ABHD18: variants seen among roughly 807,000 people sequenced by gnomAD.
ABHD18 encodes the protein cardiolipin-specific deacylase, mitochondrial.
In ABHD18, 55 loss-of-function variants were observed where a neutral mutation model predicts 65.9. The observed-to-expected ratio is 0.84, with a 90% CI of 0.67 to 1.05. The LOEUF (loss-of-function observed/expected upper bound fraction) is 1.05, where lower values mean the gene tolerates loss of function less well. ABHD18 is among the 50% of genes least tolerant of loss of function. The pLI, the probability that ABHD18 is intolerant of heterozygous loss-of-function variation, is 0.00. For missense variants in ABHD18, 533 were observed against 558.5 expected, an observed-to-expected ratio of 0.95 and a Z score of 0.46; for synonymous variants, 181 against 180.2, an observed-to-expected ratio of 1.00 and a Z score of -0.04.
intron 10 of ABHD18, among the ~76,000 whole-genome samples, chr4:128,027,932 C>T (rs574387121): frequency 4.6e-5 from 7 of 152,168 alleles, no homozygotes; most frequent in African/African-American, 1.7e-4. Context: ...TTATCTTAGT[C>T]GTGAGTTAAA....
chr4:127,977,551 A>G (rs1341981819), intron 1 of ABHD18, among the ~76,000 whole-genome samples: 1 of 152,240 alleles, frequency 6.6e-6, no homozygotes, highest in Non-Finnish European at 1.5e-5. Flanking sequence ...TACAGATTGA[A>G]AAGCTTAATC....
intron 2 of ABHD18, among the ~76,000 whole-genome samples, chr4:127,984,041 G>A (rs1404627523): frequency 2.8e-5 from 4 of 142,550 alleles, no homozygotes; most frequent in Non-Finnish European, 6.2e-5. Flanking sequence ...CGTCTCAAGG[G>A]GGAAAAAAAA....
chr4:127,966,599 C>T (rs1466717311), intron 1 of ABHD18, among the ~76,000 whole-genome samples: 1 of 147,670 alleles, frequency 6.8e-6, no homozygotes, highest in Non-Finnish European at 1.5e-5. Context: ...TGGTTCATGC[C>T]TGTAATCCCA....
chr4:128,015,076 TAAA>T (rs35551300), intron 7 of ABHD18, among the ~76,000 whole-genome samples: 6 of 122,924 alleles, frequency 4.9e-5, no homozygotes, highest in Non-Finnish European at 3.5e-5. Flanking sequence ...AAACTCCATC[TAAA>T]AAAAAAAAAA....
intron 10 of ABHD18, 98 bp downstream of exon 10, chr4:128,021,336 C>A: frequency 2.9e-6 from 2 of 700,572 alleles, no homozygotes; most frequent in South Asian, 2.0e-5. Context: ...TTTTTAAAAA[C>A]ATAGCTGTAC....
chr4:128,003,948 T>TAAAAAAAAAAA (rs70966066), intron 4 of ABHD18, among the ~76,000 whole-genome samples: 1 of 134,300 alleles, frequency 7.4e-6, no homozygotes, highest in Non-Finnish European at 1.6e-5. Flanking sequence ...TGTCTCGATT[T>TAAAAAAAAAAA]AAAAAAAAAA....
intron 4 of ABHD18, among the ~76,000 whole-genome samples, chr4:127,999,263 G>A (rs1370337842): frequency 2.6e-5 from 4 of 151,946 alleles, no homozygotes; most frequent in African/African-American, 4.8e-5. Flanking sequence ...CAGCCTGGGC[G>A]ACAGAGTGAG....
intron 12 of ABHD18, chr4:128,030,997 A>G (rs1249559859): frequency 9.5e-7 from 1 of 1,050,136 alleles, no homozygotes; most frequent in African/African-American, 1.7e-5. Context: ...GTGCATCAAG[A>G]GTTTTTTCAC....
intron 4 of ABHD18, among the ~76,000 whole-genome samples, chr4:128,003,507 A>G (rs1579303758): frequency 6.6e-6 from 1 of 152,138 alleles, no homozygotes; most frequent in Non-Finnish European, 1.5e-5. Context: ...CACCCAATTA[A>G]TCTAAAAAAA....
intron 1 of ABHD18, among the ~76,000 whole-genome samples, chr4:127,980,459 C>T (rs550452598): frequency 6.6e-6 from 1 of 151,878 alleles, no homozygotes; most frequent in African/African-American, 2.4e-5. Flanking sequence ...GTAACATCAA[C>T]AAGAAAAAGA....
At chr4:127,977,256 TGAGGTC>T (rs1273068915) in intron 1 of ABHD18, among the ~76,000 whole-genome samples, 4 of 152,106 alleles carry the variant, frequency 2.6e-5, no homozygotes, top group South Asian at 2.1e-4. Context: ...GTGGATCACC[TGAGGTC>T]GGGAGTTCGA....
In ABHD18 at chr4:127,989,809, C is replaced by T; in HGVS notation, c.266C>T (p.Ser89Phe). 6.3e-7 allele frequency: 1 copy of T among 1,578,406 alleles called. No individual in the cohort carries two copies. The change falls in exon 4 of 13, where the codon TCT (serine) becomes TTT (phenylalanine). Residue 89 changes from serine to phenylalanine, a missense_variant. Around this residue, in one of 3 missense-constraint regions of ABHD18, gnomAD observed 309 missense variants for 313.5 expected, o/e 0.99. Coordinates refer to ENST00000645843, the MANE Select transcript of ABHD18 (RefSeq NM_001358451.3). ...HYVPDIMPIE[S>F]VIARFQFIVP... ...GTGCCTGATATCATGCCAATTGAAT[C>T]TGTTATTGCAAGGTAAGAATTTTTT...
rs1011697105 is a variant in ABHD18 at position 127,998,441 on chromosome 4, A to G, written c.278+8620A>G. 4.7e-5 allele frequency among the ~76,000 whole-genome samples: 7 copies of G among 150,154 alleles called. No homozygotes were observed. The South Asian group carries it at 1.3e-3, about 27-fold the overall frequency. ...TTTTTAATAGAGACAGGGTTTCACC[A>G]TGTTAGCCAGGATGGTCTCGATCTC... On this transcript the variant is annotated intron_variant, in intron 4 of 12. Coordinates refer to ENST00000645843, the MANE Select transcript of ABHD18 (RefSeq NM_001358451.3).
rs114160200 is a variant in ABHD18 at position 128,006,855 on chromosome 4, C to T, written c.279-2065C>T. ...ATCACAGTTATTTGGGAGGCCATGG[C>T]GGGAGGATCACTTCAACCCAGGAGT... On this transcript the variant is annotated intron_variant, in intron 4 of 12. Transcript: ENST00000645843. Among the ~76,000 whole-genome samples, 1,335 of 152,240 alleles carry T rather than the reference C, an allele frequency of 8.8e-3. 23 individuals are homozygous for T. Among genetic ancestry groups the T allele is most frequent in the African/African-American group, 0.03 (1,247 of 41,536 alleles).
At chr4:127,984,687 T>G (rs1035160462) in intron 3 of ABHD18, among the ~76,000 whole-genome samples, 1 of 151,628 alleles carries the variant, frequency 6.6e-6, no homozygotes, top group African/African-American at 2.4e-5. Flanking sequence ...AGAAACCCCG[T>G]CTCTGCTTAA....
At chr4:127,987,074 T>C (rs935446164) in intron 3 of ABHD18, among the ~76,000 whole-genome samples, 4 of 152,218 alleles carry the variant, frequency 2.6e-5, no homozygotes, top group African/African-American at 9.7e-5. Flanking sequence ...AATAATGGGC[T>C]GGGTGCCGTG....
chr4:127,966,744 G>A (rs1476986232), intron 1 of ABHD18, among the ~76,000 whole-genome samples: 1 of 135,418 alleles, frequency 7.4e-6, no homozygotes, highest in African/African-American at 2.9e-5. Flanking sequence ...AAAAAGCCGG[G>A]CGTGGTGGCG....
chr4:128,010,778 G>C (rs895055893), intron 6 of ABHD18, among the ~76,000 whole-genome samples: 6 of 151,930 alleles, frequency 3.9e-5, no homozygotes, highest in African/African-American at 1.4e-4. Context: ...AGCCAGGCGT[G>C]GTGGCGTGTG....
intron 4 of ABHD18, among the ~76,000 whole-genome samples, chr4:128,003,957 A>AC (rs1753137483): frequency 1.3e-5 from 2 of 150,602 alleles, no homozygotes; most frequent in Admixed American, 6.6e-5. Context: ...TTAAAAAAAA[A>AC]AAAAACAAAA....
Sources: allele counts gnomAD v4.1 joint callset (sites outside exome capture counted in the v4.1 genomes callset), GRCh38; gene constraint gnomAD v4.1.1; regional missense constraint gnomAD v4.1.1; transcripts MANE v1.5; gene names NCBI Gene and HGNC (gene_info 2026-07-23, HGNC 2026-07-21).